The following CCDC148 variants were observed in gnomAD, a reference collection of about 807,000 sequenced individuals.
CCDC148 encodes coiled-coil domain containing 148.
A neutral mutation model predicts 85.7 loss-of-function variants in CCDC148; 89 were observed. The observed-to-expected ratio is 1.04, with a 90% CI of 0.87 to 1.24. The LOEUF (loss-of-function observed/expected upper bound fraction) is 1.24. Ranked by LOEUF, CCDC148 falls within the 50% of genes most tolerant of loss-of-function variation. CCDC148 has a pLI of 0.00. For missense variants in CCDC148, 692 were observed against 671.7 expected, an observed-to-expected ratio of 1.03 and a Z score of -0.33; for synonymous variants, 230 against 213.9, an observed-to-expected ratio of 1.08 and a Z score of -0.66.
chr2:158,430,687 T>C (rs1442406172), intron 1 of CCDC148, among the ~76,000 whole-genome samples: 1 of 152,184 alleles, frequency 6.6e-6, no homozygotes, highest in African/African-American at 2.4e-5. Flanking sequence ...GATTTGATTA[T>C]ATGAATGTAT....
intron 11 of CCDC148, among the ~76,000 whole-genome samples, chr2:158,207,069 G>A (rs1361143126): frequency 2.0e-5 from 3 of 152,142 alleles, no homozygotes; most frequent in African/African-American, 7.2e-5. Flanking sequence ...TTATGGAAAG[G>A]ACAGAAAAAA....
chr2:158,194,016 T>C (rs927873972), intron 11 of CCDC148, among the ~76,000 whole-genome samples: 2 of 142,046 alleles, frequency 1.4e-5, no homozygotes, highest in South Asian at 2.2e-4. Context: ...TAAAGTATAA[T>C]AAAAAAAAAA....
intron 9 of CCDC148, among the ~76,000 whole-genome samples, chr2:158,284,230 C>G (rs757119999): frequency 6.6e-6 from 1 of 151,686 alleles, no homozygotes; most frequent in African/African-American, 2.4e-5. Context: ...ACATACGTAA[C>G]TAACCTGCAC....
chr2:158,220,955 G>C (rs1297502222), intron 10 of CCDC148, among the ~76,000 whole-genome samples: 1 of 152,140 alleles, frequency 6.6e-6, no homozygotes, highest in Admixed American at 6.5e-5. Context: ...AATATAACTT[G>C]TGCTGACCTA....
chr2:158,252,659 A>T (rs1327195198), intron 9 of CCDC148, among the ~76,000 whole-genome samples: 1 of 151,634 alleles, frequency 6.6e-6, no homozygotes, highest in East Asian at 1.9e-4. Flanking sequence ...ACCAACAGAT[A>T]CTGCTCTCTT....
chr2:158,282,912 T>C (rs1690401796), intron 9 of CCDC148, among the ~76,000 whole-genome samples: 1 of 152,198 alleles, frequency 6.6e-6, no homozygotes, highest in Non-Finnish European at 1.5e-5. Flanking sequence ...AACAGCATGG[T>C]ACTTGTACCA....
chr2:158,358,627 C>A, intron 1 of CCDC148, 57 bp from the exon 2 acceptor site: 2 of 1,272,554 alleles, frequency 1.6e-6, no homozygotes, highest in South Asian at 1.6e-5. Flanking sequence ...TATTGGAAGT[C>A]AAAATATAAT....
In CCDC148 at chr2:158,318,616, A is replaced by AT. The variant is rs199721186; in HGVS notation, c.765-4723dup. Among the ~76,000 whole-genome samples, 1,414 of 146,936 alleles carry AT rather than the reference A, an allele frequency of 9.6e-3. 23 individuals are homozygous for AT. The highest frequency in any genetic ancestry group is 0.03 in the African/African-American group (1,223 of 40,552). On this transcript the variant is annotated intron_variant, in intron 7 of 13. Coordinates refer to ENST00000283233, the MANE Select transcript of CCDC148 (RefSeq NM_138803.4). ...TTAGAGAAGTTTACATAGAAAGCTC[A>AT]TTTTTTTTTTTTACTTAGAATGTAT...
At chr2:158,334,167 T>G (rs1176847634) in intron 7 of CCDC148, among the ~76,000 whole-genome samples, 1 of 152,140 alleles carries the variant, frequency 6.6e-6, no homozygotes, top group African/African-American at 2.4e-5. Context: ...CTCTCAGAGT[T>G]GTCTACACTG....
At chr2:158,226,202 T>G (rs1687511322) in intron 10 of CCDC148, among the ~76,000 whole-genome samples, 1 of 152,146 alleles carries the variant, frequency 6.6e-6, no homozygotes, top group African/African-American at 2.4e-5. Flanking sequence ...CTAGAAAATC[T>G]AGAAGAAATG....
intron 1 of CCDC148, among the ~76,000 whole-genome samples, chr2:158,419,791 T>A (rs1047406291): frequency 5.9e-5 from 9 of 152,106 alleles, no homozygotes; most frequent in African/African-American, 2.2e-4. Context: ...TGGATAACCA[T>A]CCCCTCCTTT....
At chr2:158,453,728 G>C (rs1405992221) in intron 1 of CCDC148, among the ~76,000 whole-genome samples, 1 of 152,092 alleles carries the variant, frequency 6.6e-6, no homozygotes, top group Non-Finnish European at 1.5e-5. Context: ...ATAAACATTG[G>C]AAAGTTACAA....
intron 10 of CCDC148, among the ~76,000 whole-genome samples, chr2:158,240,412 G>T (rs1200254362): frequency 2.0e-5 from 3 of 147,436 alleles, no homozygotes; most frequent in Non-Finnish European, 4.5e-5. Flanking sequence ...GTCTAACTGG[G>T]ATCCAGTTAG....
At chr2:158,228,972 A>C (rs114892827) in intron 10 of CCDC148, among the ~76,000 whole-genome samples, 3,418 of 88,980 alleles carry the variant, frequency 0.038, 47 homozygotes, top group East Asian at 0.1. Flanking sequence ...CAAAACAAAA[A>C]AAAAAAGAAA....
chr2:158,328,083 T>C (rs948946060), intron 7 of CCDC148, among the ~76,000 whole-genome samples: 1 of 152,090 alleles, frequency 6.6e-6, no homozygotes, highest in African/African-American at 2.4e-5. Context: ...GTCATGTATG[T>C]ATACATGTGC....
At chr2:158,177,147 T>C (rs1684631397) in intron 12 of CCDC148, among the ~76,000 whole-genome samples, 1 of 151,934 alleles carries the variant, frequency 6.6e-6, no homozygotes, top group Non-Finnish European at 1.5e-5. Flanking sequence ...GTGTTGGCAT[T>C]AGTGAACAAG....
intron 9 of CCDC148, among the ~76,000 whole-genome samples, chr2:158,302,478 T>C (rs1159873754): frequency 6.6e-6 from 1 of 152,016 alleles, no homozygotes; most frequent in African/African-American, 2.4e-5. Flanking sequence ...CCACCCAGCA[T>C]GGAAGCAAAG....
intron 10 of CCDC148, among the ~76,000 whole-genome samples, chr2:158,246,989 T>C (rs1279680292): frequency 1.3e-5 from 2 of 152,162 alleles, no homozygotes; most frequent in South Asian, 2.1e-4. Context: ...AAGAGAAGCA[T>C]AATTCATAAG....
intron 1 of CCDC148, among the ~76,000 whole-genome samples, chr2:158,433,777 T>C (rs551038896): frequency 6.6e-6 from 1 of 152,326 alleles, no homozygotes; most frequent in East Asian, 1.9e-4. Context: ...CACATCCTAA[T>C]ACTGCGCTTT....
Sources: allele counts gnomAD v4.1 joint callset (sites outside exome capture counted in the v4.1 genomes callset), GRCh38; gene constraint gnomAD v4.1.1; transcripts MANE v1.5; gene names NCBI Gene and HGNC (gene_info 2026-07-23, HGNC 2026-07-21).